Variants in HS3ST1 observed in about 807,000 individuals in gnomAD.
HS3ST1 encodes the protein heparan sulfate-glucosamine 3-sulfotransferase 1.
In HS3ST1, 8 loss-of-function variants were observed where a neutral mutation model predicts 20.7. The observed-to-expected ratio is 0.39, with a 90% CI of 0.23 to 0.70. HS3ST1 has a LOEUF of 0.70. Ranked by LOEUF, HS3ST1 falls within the 30% of genes least tolerant of loss-of-function variation. The probability of loss-of-function intolerance (pLI) is 0.46; values close to 1 mark genes in which losing one functional copy is unlikely to be tolerated. For missense variants in HS3ST1, 436 were observed against 423.4 expected, an observed-to-expected ratio of 1.03 and a Z score of -0.26; for synonymous variants, 205 against 190.4, an observed-to-expected ratio of 1.08 and a Z score of -0.63.
At chr4:11,408,182 C>G (rs1189991451) in intron 1 of HS3ST1, among the ~76,000 whole-genome samples, 1 of 152,162 alleles carries the variant, frequency 6.6e-6, no homozygotes, top group Admixed American at 6.5e-5. Flanking sequence ...AACTTGAAAT[C>G]TGCAAGACAG....
chr4:11,423,271 TAGTC>T (rs1472298115), intron 1 of HS3ST1, among the ~76,000 whole-genome samples: 1 of 152,176 alleles, frequency 6.6e-6, no homozygotes, highest in Non-Finnish European at 1.5e-5. Context: ...ACGTGCTCAA[TAGTC>T]AGTTTTATTA....
rs1467023012 is a variant in HS3ST1 at position 11,395,340 on chromosome 4, C to A, written c.*3742G>T. On this transcript the variant is annotated 3_prime_UTR_variant, in exon 2 of 2. Transcript: ENST00000002596. Reference sequence around the variant, plus strand: ...TGGAGAGGGTCTCTGATATTTTTCACCTTCTTTTGTGATTTGTGATGTCAA... The same window carrying A: ...TGGAGAGGGTCTCTGATATTTTTCAACTTCTTTTGTGATTTGTGATGTCAA... The A allele has an allele frequency of 6.6e-6, 1 of 151,952 alleles. No individual in the cohort carries two copies. The highest frequency in any genetic ancestry group is 1.9e-4 in the East Asian group (1 of 5,194). The allele number at this position is 151,952 out of a possible 1,614,324, so 9.4% of individuals were successfully genotyped here. A position where few individuals can be genotyped will look rare whatever the true frequency, so the allele number is the denominator to read the frequency against.
At chr4:11,418,663 A>T (rs1010182680) in intron 1 of HS3ST1, among the ~76,000 whole-genome samples, 12 of 152,154 alleles carry the variant, frequency 7.9e-5, no homozygotes, top group African/African-American at 2.9e-4. Context: ...CCCATGGTGC[A>T]GGCAGGTGGG....
chr4:11,399,825 C>T lies in HS3ST1; in HGVS notation c.181G>A (p.Gly61Ser), dbSNP rs1560230981. The change falls in exon 2 of 2, where the codon GGC becomes AGC. Residue 61 changes from glycine to serine, a missense_variant. Physicochemically the swap from Gly to Ser is moderately conservative, Grantham distance 56. Coordinates refer to ENST00000002596, the MANE Select transcript of HS3ST1 (RefSeq NM_005114.4). The surrounding 1 kb of genome is among the most constrained non-coding windows in gnomAD (Gnocchi z 5.1). ...AQQLPQTIII[G>S]VRKGGTRALL... Reference sequence around the variant, plus strand: ...GCGCGCGTGCCGCCCTTGCGCACGCCGATGATGATGGTCTGCGGCAACTGC... The same window carrying T: ...GCGCGCGTGCCGCCCTTGCGCACGCTGATGATGATGGTCTGCGGCAACTGC... 1.2e-6 allele frequency: 2 copies of T among 1,612,842 alleles called. No homozygotes were observed. Among genetic ancestry groups the T allele is most frequent in the Non-Finnish European group, 1.7e-6 (2 of 1,179,726 alleles).
In HS3ST1 at chr4:11,399,238, G is replaced by T. The variant is rs749605967; in HGVS notation, c.768C>A (p.Cys256Ter). ...AGCGGTCCCGGCCGCTGTCCCGCAG[G>T]CAGTAAAAGCCCTTGGTTTTGTTAA... ...FYFNKTKGFYCLRDSGRDRCL... is the reference protein window; with the variant it reads ...FYFNKTKGFY Residue 256 changes from cysteine (C) to a stop codon, truncating the protein, a stop_gained, in exon 2 of 2, where the codon TGC becomes TGA. Coordinates refer to ENST00000002596, the MANE Select transcript of HS3ST1 (RefSeq NM_005114.4). LOFTEE classifies it high-confidence loss of function. The surrounding 1 kb of genome is among the most constrained non-coding windows in gnomAD (Gnocchi z 5.1). 6.2e-7 allele frequency: 1 copy of T among 1,614,194 alleles called. No homozygotes were observed. Among genetic ancestry groups the T allele is most frequent in the South Asian group, 1.1e-5 (1 of 91,086 alleles).
Position 11,399,232 on chromosome 4 carries a change from C to T in HS3ST1, c.774G>A (p.Arg258=), listed in dbSNP as rs139499467. The change falls in exon 2 of 2, where the codon CGG becomes CGA. Residue 258 remains arginine (R), a synonymous_variant. Transcript: ENST00000002596. This position sits in a 1 kb window ranked among gnomAD's most constrained non-coding sequence, Gnocchi z 5.1. ...GTAAGCAGCGGTCCCGGCCGCTGTC[C>T]CGCAGGCAGTAAAAGCCCTTGGTTT... The part of the protein sequence containing the change: ...FNKTKGFYCL[R]DSGRDRCLHE... 6.2e-7 allele frequency: 1 copy of T among 1,614,156 alleles called. No homozygotes were observed. The highest frequency in any genetic ancestry group is 8.5e-7 in the Non-Finnish European group (1 of 1,180,048).
intron 1 of HS3ST1, among the ~76,000 whole-genome samples, chr4:11,427,234 G>A (rs899421206): frequency 6.6e-6 from 1 of 152,234 alleles, no homozygotes; most frequent in African/African-American, 2.4e-5. Context: ...CCTGTGCCAG[G>A]CTGCTGCCTC....
In HS3ST1 at chr4:11,396,566, C is replaced by G. The variant is rs1718151973; in HGVS notation, c.*2516G>C. On this transcript the variant is annotated 3_prime_UTR_variant, in exon 2 of 2. Transcript: ENST00000002596. ...TGCATTTTGGCCCTGTAAGGACAGC[C>G]CAGGGTCTACTACAGGGCCTCCTTT... The G allele has an allele frequency of 1.3e-5, 2 of 152,348 alleles. No homozygotes were observed. The highest frequency in any genetic ancestry group is 4.8e-5 in the African/African-American group (2 of 41,556). The allele number at this position is 152,348 out of a possible 1,614,324, so 9.4% of individuals were successfully genotyped here. A position where few individuals can be genotyped will look rare whatever the true frequency, so the allele number is the denominator to read the frequency against.
At position 11,399,581 on chromosome 4, in the gene HS3ST1, A is replaced by C; in HGVS notation, c.425T>G (p.Leu142Arg). The C allele has an allele frequency of 6.2e-7, 1 of 1,613,842 alleles. No homozygotes were observed. Among genetic ancestry groups the C allele is most frequent in the Non-Finnish European group, 8.5e-7 (1 of 1,180,028 alleles). ...CGACGGGTCTCGCAGGATGAGCAGC[A>C]GCCGGATGGACGGGTTCATGCTGTA... ...RVYSMNPSIR[L>R]LLILRDPSER... Residue 142 changes from leucine to arginine, a missense_variant, in exon 2 of 2, where the codon CTG becomes CGG. Transcript: ENST00000002596. The surrounding 1 kb of genome is among the most constrained non-coding windows in gnomAD (Gnocchi z 5.1).
chr4:11,399,086 T>C lies in HS3ST1; in HGVS notation c.920A>G (p.His307Arg). ...FELVGRTFDWH is the reference protein window; with the variant it reads ...FELVGRTFDWR Reference sequence around the variant, plus strand: ...CTGAGCTTAGCTTATTGCAAATCAGTGCCAGTCAAATGTTCTGCCAACAAG... The same window carrying C: ...CTGAGCTTAGCTTATTGCAAATCAGCGCCAGTCAAATGTTCTGCCAACAAG... The change falls in exon 2 of 2, where the codon CAC becomes CGC. Residue 307 changes from histidine to arginine, a missense_variant. Transcript: ENST00000002596. This position sits in a 1 kb window ranked among gnomAD's most constrained non-coding sequence, Gnocchi z 5.1. The C allele has an allele frequency of 6.2e-7, 1 of 1,609,866 alleles. No homozygotes were observed. Among genetic ancestry groups the C allele is most frequent in the Non-Finnish European group, 8.5e-7 (1 of 1,176,598 alleles).
upstream of HS3ST1, among the ~76,000 whole-genome samples, chr4:11,430,983 T>C (rs1293991416): frequency 6.6e-6 from 1 of 152,248 alleles, no homozygotes; most frequent in Non-Finnish European, 1.5e-5. Context: ...CCACTGCTCC[T>C]AAATAGCTCT....
chr4:11,410,325 C>G (rs769819513), intron 1 of HS3ST1, among the ~76,000 whole-genome samples: 1 of 152,180 alleles, frequency 6.6e-6, no homozygotes, highest in Non-Finnish European at 1.5e-5. Context: ...GAGATGGGAG[C>G]TGGCAGAGGG....
intron 1 of HS3ST1, among the ~76,000 whole-genome samples, chr4:11,418,809 G>A (rs1718853216): frequency 6.6e-6 from 1 of 152,220 alleles, no homozygotes; most frequent in South Asian, 2.1e-4. Context: ...CTTGTCTTCA[G>A]TTTTCATCTG....
chr4:11,399,053 G>C lies in HS3ST1; in HGVS notation c.*29C>G. On this transcript the variant is annotated 3_prime_UTR_variant, in exon 2 of 2. Transcript: ENST00000002596. The surrounding 1 kb of genome is among the most constrained non-coding windows in gnomAD (Gnocchi z 5.1). ...AGATGTACACCAGAACTTACAGTAG[G>C]AAAGTTTCTGAGCTTAGCTTATTGC... 6.4e-7 allele frequency: 1 copy of C among 1,574,306 alleles called. No homozygotes were observed. The highest frequency in any genetic ancestry group is 8.7e-7 in the Non-Finnish European group (1 of 1,155,196).
At chr4:11,414,373 G>C (rs1212034010) in intron 1 of HS3ST1, among the ~76,000 whole-genome samples, 1 of 152,036 alleles carries the variant, frequency 6.6e-6, no homozygotes, top group Non-Finnish European at 1.5e-5. Flanking sequence ...GAGTTTTCAA[G>C]ACTTCCTGCT....
intron 1 of HS3ST1, among the ~76,000 whole-genome samples, chr4:11,410,734 A>C (rs535373644): frequency 6.6e-6 from 1 of 152,120 alleles, no homozygotes; most frequent in Admixed American, 6.5e-5. Context: ...TCTACTAAAA[A>C]TACAAAAATT....
chr4:11,398,985 T>C lies in HS3ST1; in HGVS notation c.*97A>G, dbSNP rs941128038. On this transcript the variant is annotated 3_prime_UTR_variant, in exon 2 of 2. Transcript: ENST00000002596. ...AGAAGTACTTTATGGATTTTACAAA[T>C]AAATTATACCTTAAATGCTTTTTTA... The C allele has an allele frequency of 3.6e-6, 4 of 1,105,750 alleles. No homozygotes were observed. The highest frequency in any genetic ancestry group is 5.2e-6 in the Non-Finnish European group (4 of 773,020). 68.5% of individuals were successfully genotyped at this position (1,105,750 alleles called of 1,614,324 possible). A position where few individuals can be genotyped will look rare whatever the true frequency, so the allele number is the denominator to read the frequency against.
At chr4:11,409,004 T>C (rs936087793) in intron 1 of HS3ST1, among the ~76,000 whole-genome samples, 2 of 152,202 alleles carry the variant, frequency 1.3e-5, no homozygotes, top group African/African-American at 2.4e-5. Context: ...ACACAAGGCA[T>C]CAGAGGCAAA....
chr4:11,399,963 G>T lies in HS3ST1; in HGVS notation c.43C>A (p.Pro15Thr), dbSNP rs752099373. 9 of 1,555,620 alleles carry T rather than the reference G, an allele frequency of 5.8e-6. No individual in the cohort carries two copies. In the South Asian group the frequency reaches 8.1e-5, roughly 14 times the overall value. The change falls in exon 2 of 2, where the codon CCC becomes ACC. Residue 15 changes from proline (P) to threonine (T), a missense_variant. Coordinates refer to ENST00000002596, the MANE Select transcript of HS3ST1 (RefSeq NM_005114.4). The surrounding 1 kb of genome is among the most constrained non-coding windows in gnomAD (Gnocchi z 5.1). Reference protein sequence around the residue: ...LLGAVLLVAQPQLVPSRPAEL... With the variant: ...LLGAVLLVAQTQLVPSRPAEL... ...GCGGGGCGGGAAGGCACTAGCTGGG[G>T]CTGGGCCACCAGCAGCACCGCGCCC...
Sources: allele counts gnomAD v4.1 joint callset (sites outside exome capture counted in the v4.1 genomes callset), GRCh38; gene constraint gnomAD v4.1.1; non-coding constraint Gnocchi (gnomAD v3.1); transcripts MANE v1.5; gene names NCBI Gene and HGNC (gene_info 2026-07-23, HGNC 2026-07-21).